The following UROS variants were observed in gnomAD, a reference collection of about 807,000 sequenced individuals.
The protein encoded by UROS is uroporphyrinogen III synthase.
In UROS, 18 loss-of-function variants were observed where a neutral mutation model predicts 33.0. The ratio of observed to expected loss-of-function variants is 0.55; its 90% CI spans 0.38 to 0.81. The LOEUF is 0.81. Among genes scored for constraint, UROS ranks in the 30% least tolerant of loss-of-function variants. The pLI is 0.00. For synonymous variants in UROS, 114 were observed against 121.1 expected (o/e 0.94, Z 0.38); for missense variants, 293 against 314.9 (o/e 0.93, Z 0.53).
chr10:125,789,499 G>T, intron 9 of UROS: 1 of 421,614 alleles, frequency 2.4e-6, no homozygotes, highest in Non-Finnish European at 3.3e-6. Flanking sequence ...TTGGCCCGTG[G>T]CCCATCCTCT....
chr10:125,816,523 G>T lies in UROS; in HGVS notation c.-24C>A. On this transcript the variant is annotated splice_region_variant and 5_prime_UTR_variant, in exon 2 of 10. The change creates a premature stop within an existing upstream ORF in the 5' untranslated region. Coordinates refer to ENST00000368797, the MANE Select transcript of UROS (RefSeq NM_000375.3). ...ATTATTGCCTGGCAGTCCTTATAGG[G>T]CACTGCGACAGAGCAAGGAAACAGA... The T allele has an allele frequency of 5.6e-6, 9 of 1,614,170 alleles. No individual in the cohort carries two copies. Among genetic ancestry groups the T allele is most frequent in the Non-Finnish European group, 7.6e-6 (9 of 1,180,034 alleles).
chr10:125,816,623 G>A (rs1042348663), intron 1 of UROS, 98 bp from the exon 2 acceptor site: 2 of 1,197,652 alleles, frequency 1.7e-6, no homozygotes, highest in African/African-American at 1.5e-5. Flanking sequence ...GCAATCAAAT[G>A]CTTGTGGAAG....
intron 9 of UROS, chr10:125,793,203 T>C (rs572787007): frequency 1.3e-5 from 2 of 152,348 alleles, no homozygotes; most frequent in Non-Finnish European, 2.9e-5. Context: ...GAGTATCCAT[T>C]TGTGCTTTTA....
chr10:125,788,068 G>A (rs951920675), downstream of UROS, among the ~76,000 whole-genome samples: 1 of 152,168 alleles, frequency 6.6e-6, no homozygotes, highest in Non-Finnish European at 1.5e-5. Flanking sequence ...GAGCCCAAAT[G>A]CCTTTCAGCC....
At chr10:125,821,653 TAAAG>T (rs1397415880) in intron 1 of UROS, among the ~76,000 whole-genome samples, 4 of 152,276 alleles carry the variant, frequency 2.6e-5, no homozygotes, top group South Asian at 2.1e-4. Context: ...AAAAAAAGTA[TAAAG>T]AAACAGGAAA....
rs575009486 is a variant in UROS at position 125,804,111 on chromosome 10, G to A, written c.394+3302C>T. ...CCCTTTTAACCATACTGGAGTTTAT[G>A]CTAATGAGGTGACTGGTGGTGGCCC... On this transcript the variant is annotated intron_variant, in intron 6 of 9. Transcript: ENST00000368797. 3.9e-5 allele frequency among the ~76,000 whole-genome samples: 6 copies of A among 152,332 alleles called. No individual in the cohort carries two copies. The East Asian group carries it at 1.2e-3, about 29-fold the overall frequency.
At chr10:125,802,169 C>T in intron 6 of UROS, 7 of 985,468 alleles carry the variant, frequency 7.1e-6, no homozygotes, top group Non-Finnish European at 8.4e-6. Context: ...AAGCCTGGAG[C>T]CAGACAAGAC....
chr10:125,800,549 TTTTC>T (rs1307544437), intron 6 of UROS, among the ~76,000 whole-genome samples: 99 of 147,650 alleles, frequency 6.7e-4, no homozygotes, highest in East Asian at 2.2e-3. Flanking sequence ...TGTTGAGAGC[TTTTC>T]TTTCTTTCTT....
intron 9 of UROS, among the ~76,000 whole-genome samples, chr10:125,790,889 A>G (rs1201743171): frequency 7.3e-5 from 11 of 150,164 alleles, no homozygotes; most frequent in East Asian, 4.0e-4. Flanking sequence ...TCAGGAGTTC[A>G]AGACCAGCCT....
At position 125,796,142 on chromosome 10, in the gene UROS, TG is replaced by T; in HGVS notation, c.521del (p.Pro174GlnfsTer7). The T allele has an allele frequency of 6.2e-7, 1 of 1,614,214 alleles. No homozygotes were observed. The highest frequency in any genetic ancestry group is 8.5e-7 in the Non-Finnish European group (1 of 1,180,038). ...AGCTGTTCAGGTTCCCTTGGATTCC[TG>T]GGTGTGCAACTGTCTGATACACAGT... ...SITVYQTVAH[P>X]GIQGNLNSYY... On this transcript the variant is annotated frameshift_variant, in exon 8 of 10. Transcript: ENST00000368797. LOFTEE classifies it high-confidence loss of function.
At chr10:125,794,254 G>T in intron 9 of UROS, 1 of 825,560 alleles carries the variant, frequency 1.2e-6, no homozygotes, top group Non-Finnish European at 1.5e-6. Flanking sequence ...CTCCCCACAT[G>T]AGATGCACCT....
At chr10:125,800,479 T>G (rs553427433) in intron 6 of UROS, among the ~76,000 whole-genome samples, 1 of 152,186 alleles carries the variant, frequency 6.6e-6, no homozygotes, top group East Asian at 1.9e-4. Context: ...CATCAGCTCA[T>G]GTGTGGTACC....
At chr10:125,796,280 A>C in intron 7 of UROS, 92 bp from the exon 8 acceptor site, 1 of 1,232,366 alleles carries the variant, frequency 8.1e-7, no homozygotes, top group Non-Finnish European at 1.2e-6. Flanking sequence ...AAACCTCCCA[A>C]TACAGCACCA....
chr10:125,788,813 T>A lies in UROS; in HGVS notation c.*55A>T. On this transcript the variant is annotated 3_prime_UTR_variant, in exon 10 of 10. Coordinates refer to ENST00000368797, the MANE Select transcript of UROS (RefSeq NM_000375.3). Reference sequence around the variant, plus strand: ...GAGCCCTTGCCGATGCCTGGCTCCATCCAGAGCCAGCCCAGCCCAGGGAGG... The same window carrying A: ...GAGCCCTTGCCGATGCCTGGCTCCAACCAGAGCCAGCCCAGCCCAGGGAGG... 6.5e-7 allele frequency: 1 copy of A among 1,539,812 alleles called. No individual in the cohort carries two copies. Among genetic ancestry groups the A allele is most frequent in the Non-Finnish European group, 8.8e-7 (1 of 1,141,110 alleles).
chr10:125,798,504 A>T lies in UROS; in HGVS notation c.395-359T>A, dbSNP rs568788703. ...CCTTAACTAAGTCAGGAAGGTGAAG[A>T]TCAGGCCTGGTGCTGACTGGCACTG... is the stretch of plus-strand genomic sequence containing the variant. On this transcript the variant is annotated intron_variant, in intron 6 of 9. Coordinates refer to ENST00000368797, the MANE Select transcript of UROS (RefSeq NM_000375.3). Among the ~76,000 whole-genome samples the T allele has an allele frequency of 6.2e-4, 95 of 152,346 alleles. 2 individuals carry two copies. In the South Asian group the frequency reaches 0.014, roughly 22 times the overall value.
chr10:125,797,921 GTC>G, intron 7 of UROS, 142 bp downstream of exon 7: 1 of 878,822 alleles, frequency 1.1e-6, no homozygotes, highest in Non-Finnish European at 1.9e-6. Context: ...CATGAGCATG[GTC>G]TCTGTGTCTC....
intron 3 of UROS, 22 bp downstream of exon 3, chr10:125,816,155 G>A: frequency 6.2e-7 from 1 of 1,602,916 alleles, no homozygotes; most frequent in African/African-American, 1.3e-5. Flanking sequence ...CTAACATGGT[G>A]CTCAGTCACA....
chr10:125,810,035 C>T (rs1852668266), intron 5 of UROS, among the ~76,000 whole-genome samples: 1 of 152,188 alleles, frequency 6.6e-6, no homozygotes, highest in Non-Finnish European at 1.5e-5. Flanking sequence ...AAATGTCTAC[C>T]TTGTCTTCTC....
chr10:125,789,444 G>T, intron 9 of UROS: 2 of 995,626 alleles, frequency 2.0e-6, no homozygotes, highest in Non-Finnish European at 2.5e-6. Flanking sequence ...GGGCTCTGTG[G>T]GCACAGGGTT....
Sources: gnomAD v4.1 joint callset for allele counts (sites outside exome capture counted in the v4.1 genomes callset) on GRCh38, gnomAD v4.1.1 for gene constraint, MANE v1.5 for transcripts, NCBI Gene and HGNC (gene_info 2026-07-23, HGNC 2026-07-21) for gene names.